Variants in GALNTL6 observed in about 807,000 individuals in gnomAD.
GALNTL6 encodes the protein polypeptide N-acetylgalactosaminyltransferase like 6.
Under a neutral mutation model 73.7 loss-of-function variants are expected in GALNTL6, and 46 were observed. That is an observed-to-expected ratio of 0.62 (90% CI 0.49 to 0.80). The LOEUF (loss-of-function observed/expected upper bound fraction) is 0.80. Ranked by LOEUF, GALNTL6 falls within the 30% of genes least tolerant of loss-of-function variation. GALNTL6 has a pLI of 0.00. For synonymous variants in GALNTL6, 259 were observed against 263.7 expected (o/e 0.98, Z 0.17); for missense variants, 604 against 755.0 (o/e 0.80, Z 2.34).
At chr4:172,896,994 A>G (rs1361120699) in intron 8 of GALNTL6, among the ~76,000 whole-genome samples, 2 of 152,190 alleles carry the variant, frequency 1.3e-5, no homozygotes, top group Admixed American at 6.5e-5. Flanking sequence ...AGCAAGAGGC[A>G]CTGGAGCTGA....
chr4:172,813,230 C>T (rs566342656), intron 6 of GALNTL6, among the ~76,000 whole-genome samples: 3 of 152,226 alleles, frequency 2.0e-5, no homozygotes, highest in East Asian at 1.9e-4. Context: ...GTTCGATTCA[C>T]GATAAAATGA....
chr4:171,879,935 G>T (rs906606944), intron 2 of GALNTL6, among the ~76,000 whole-genome samples: 2 of 152,096 alleles, frequency 1.3e-5, no homozygotes, highest in African/African-American at 4.8e-5. Flanking sequence ...TCATCCTGAA[G>T]AAATATTAAT....
At position 172,760,485 on chromosome 4, in the gene GALNTL6, A is replaced by G. The variant is rs139927097; in HGVS notation, c.554-48876A>G. The stretch of plus-strand genomic sequence containing the variant: ...AAGTCCCCCTGGCTCCTTTGCTCTC[A>G]CCTTCCCACCTTACCCTGAGATGCT... On this transcript the variant is annotated intron_variant, in intron 5 of 12. Transcript: ENST00000506823. 1.3e-4 allele frequency among the ~76,000 whole-genome samples: 20 copies of G among 152,198 alleles called. No homozygotes were observed. The East Asian group carries it at 3.9e-3, about 29-fold the overall frequency.
At chr4:172,074,416 A>G (rs1731642049) in intron 2 of GALNTL6, among the ~76,000 whole-genome samples, 2 of 152,242 alleles carry the variant, frequency 1.3e-5, no homozygotes, top group Admixed American at 1.3e-4. Flanking sequence ...CATTTGGGTT[A>G]TTTGAAGCAG....
chr4:172,060,698 G>A (rs1169993767), intron 2 of GALNTL6, among the ~76,000 whole-genome samples: 2 of 152,028 alleles, frequency 1.3e-5, no homozygotes, highest in South Asian at 2.1e-4. Flanking sequence ...TGTATATCAG[G>A]CCCTCCAAAC....
At chr4:172,513,476 G>A (rs565160016) in intron 5 of GALNTL6, among the ~76,000 whole-genome samples, 16 of 152,104 alleles carry the variant, frequency 1.1e-4, no homozygotes, top group Non-Finnish European at 2.2e-4. Context: ...GTGATCTTTT[G>A]GGGGTGTTAA....
chr4:172,608,978 A>G (rs1738414903), intron 5 of GALNTL6, among the ~76,000 whole-genome samples: 1 of 152,046 alleles, frequency 6.6e-6, no homozygotes, highest in African/African-American at 2.4e-5. Flanking sequence ...TTAATTTTGT[A>G]TCCTGAAACT....
intron 9 of GALNTL6, among the ~76,000 whole-genome samples, chr4:172,950,362 A>C (rs550961421): frequency 6.6e-6 from 1 of 152,262 alleles, no homozygotes; most frequent in South Asian, 2.1e-4. Flanking sequence ...CTATCTTCCT[A>C]TCTATGCACC....
intron 5 of GALNTL6, among the ~76,000 whole-genome samples, chr4:172,478,652 G>A (rs1733327916): frequency 6.6e-6 from 1 of 151,904 alleles, no homozygotes; most frequent in Non-Finnish European, 1.5e-5. Flanking sequence ...AAACAAAAAT[G>A]AATAAATGAG....
At chr4:172,791,240 G>A (rs776090871) in intron 5 of GALNTL6, among the ~76,000 whole-genome samples, 1 of 152,242 alleles carries the variant, frequency 6.6e-6, no homozygotes, top group Non-Finnish European at 1.5e-5. Context: ...CAAGACACAA[G>A]ATGTGGGTTT....
intron 2 of GALNTL6, among the ~76,000 whole-genome samples, chr4:172,217,498 G>A (rs1244257954): frequency 6.6e-6 from 1 of 152,096 alleles, no homozygotes; most frequent in Non-Finnish European, 1.5e-5. Context: ...AGTTCCTATT[G>A]ACAAATCTTC....
chr4:172,107,287 T>A (rs1404139381), intron 2 of GALNTL6, among the ~76,000 whole-genome samples: 6 of 152,218 alleles, frequency 3.9e-5, no homozygotes, highest in Non-Finnish European at 7.3e-5. Flanking sequence ...TCACAAAACC[T>A]GTATGTAGTA....
At chr4:172,294,660 A>T (rs1739600368) in intron 3 of GALNTL6, among the ~76,000 whole-genome samples, 1 of 152,214 alleles carries the variant, frequency 6.6e-6, no homozygotes, top group African/African-American at 2.4e-5. Flanking sequence ...ATTAGTCCTT[A>T]GTGACTGTAA....
intron 5 of GALNTL6, among the ~76,000 whole-genome samples, chr4:172,474,046 C>T (rs1733144339): frequency 6.6e-6 from 1 of 152,110 alleles, no homozygotes; most frequent in South Asian, 2.1e-4. Context: ...ACCAGTTTTT[C>T]CCCCATCCTT....
intron 5 of GALNTL6, among the ~76,000 whole-genome samples, chr4:172,758,649 G>A (rs772231174): frequency 6.6e-6 from 1 of 152,180 alleles, no homozygotes; most frequent in African/African-American, 2.4e-5. Flanking sequence ...GTGGTTTAAA[G>A]ATATTAAATG....
intron 2 of GALNTL6, among the ~76,000 whole-genome samples, chr4:172,006,896 G>T (rs1740860697): frequency 6.6e-6 from 1 of 151,920 alleles, no homozygotes; most frequent in Admixed American, 6.6e-5. Context: ...TTTAAATTAT[G>T]CTCAGTATTA....
At chr4:173,026,083 A>G (rs922185802) in intron 12 of GALNTL6, among the ~76,000 whole-genome samples, 10 of 152,208 alleles carry the variant, frequency 6.6e-5, no homozygotes, top group African/African-American at 2.4e-4. Flanking sequence ...CATTTTAAGT[A>G]AACATTTTAT....
intron 5 of GALNTL6, among the ~76,000 whole-genome samples, chr4:172,482,287 C>T (rs181138322): frequency 2.0e-5 from 3 of 152,354 alleles, no homozygotes; most frequent in Admixed American, 2.0e-4. Context: ...AGGGAGCTGG[C>T]TCCAGCCTCC....
intron 2 of GALNTL6, among the ~76,000 whole-genome samples, chr4:172,087,180 A>C (rs2110932710): frequency 6.6e-6 from 1 of 152,304 alleles, no homozygotes; most frequent in East Asian, 1.9e-4. Flanking sequence ...GCAGTGGCTC[A>C]CGCCTGTAAT....
Sources: allele counts gnomAD v4.1 joint callset (sites outside exome capture counted in the v4.1 genomes callset), GRCh38; gene constraint gnomAD v4.1.1; transcripts MANE v1.5; gene names NCBI Gene and HGNC (gene_info 2026-07-23, HGNC 2026-07-21).